SLC9A9: variants seen among roughly 807,000 people sequenced by gnomAD.
The protein encoded by SLC9A9 is sodium/hydrogen exchanger 9.
In SLC9A9, 62 loss-of-function variants were observed where a neutral mutation model predicts 77.8. The observed-to-expected ratio is 0.80, with a 90% CI of 0.65 to 0.98. SLC9A9 has a LOEUF of 0.98. SLC9A9 is among the 50% of genes least tolerant of loss of function. SLC9A9 has a pLI of 0.00. For missense variants in SLC9A9, 775 were observed against 774.9 expected, an observed-to-expected ratio of 1.00 and a Z score of 0.00; for synonymous variants, 320 against 283.5, an observed-to-expected ratio of 1.13 and a Z score of -1.29.
At chr3:143,566,307 G>T (rs1053315763) in intron 8 of SLC9A9, among the ~76,000 whole-genome samples, 2 of 152,118 alleles carry the variant, frequency 1.3e-5, no homozygotes, top group South Asian at 4.1e-4. Context: ...CTTGTGATTT[G>T]AGGCCAATAG....
chr3:143,411,164 A>T (rs1434505723), intron 12 of SLC9A9, among the ~76,000 whole-genome samples: 1 of 152,194 alleles, frequency 6.6e-6, no homozygotes, highest in African/African-American at 2.4e-5. Flanking sequence ...TGTTTTAGAT[A>T]ATCAGTAAGT....
chr3:143,275,035 C>T (rs557469764), intron 14 of SLC9A9, among the ~76,000 whole-genome samples: 1 of 152,240 alleles, frequency 6.6e-6, no homozygotes, highest in Non-Finnish European at 1.5e-5. Context: ...TCTCTAGTCA[C>T]TTTGATTGTC....
chr3:143,556,478 C>T (rs2036986029), intron 8 of SLC9A9, among the ~76,000 whole-genome samples: 1 of 152,224 alleles, frequency 6.6e-6, no homozygotes, highest in South Asian at 2.1e-4. Context: ...TCCTATTTGC[C>T]TGCTCTTCCT....
chr3:143,571,910 G>A (rs777975498), intron 8 of SLC9A9, among the ~76,000 whole-genome samples: 4 of 152,208 alleles, frequency 2.6e-5, no homozygotes, highest in African/African-American at 7.2e-5. Flanking sequence ...TGGACTAAGC[G>A]GTCTTGGTCT....
intron 6 of SLC9A9, among the ~76,000 whole-genome samples, chr3:143,618,541 A>G (rs931112184): frequency 6.6e-6 from 1 of 152,088 alleles, no homozygotes; most frequent in Non-Finnish European, 1.5e-5. Flanking sequence ...TTCATTTGCC[A>G]CTTCCCACTC....
At chr3:143,311,983 C>T (rs897112803) in intron 14 of SLC9A9, among the ~76,000 whole-genome samples, 3 of 152,182 alleles carry the variant, frequency 2.0e-5, no homozygotes, top group African/African-American at 7.2e-5. Flanking sequence ...GAGATAGAAA[C>T]ATTCTATTTG....
chr3:143,284,154 C>G (rs1938308918), intron 14 of SLC9A9, among the ~76,000 whole-genome samples: 1 of 151,652 alleles, frequency 6.6e-6, no homozygotes, highest in Non-Finnish European at 1.5e-5. Flanking sequence ...AGTCGTTATA[C>G]TATTTCACCC....
At chr3:143,460,139 T>C (rs986519909) in intron 12 of SLC9A9, among the ~76,000 whole-genome samples, 4 of 152,204 alleles carry the variant, frequency 2.6e-5, no homozygotes, top group African/African-American at 9.6e-5. Context: ...ATTCTGGTGT[T>C]AAATTGTCTA....
chr3:143,507,746 G>A (rs2036045736), intron 9 of SLC9A9, among the ~76,000 whole-genome samples: 1 of 152,156 alleles, frequency 6.6e-6, no homozygotes, highest in Admixed American at 6.5e-5. Flanking sequence ...CCATAGACTG[G>A]GTGGCTGAAA....
chr3:143,701,587 A>G (rs1387682201), intron 4 of SLC9A9, among the ~76,000 whole-genome samples: 5 of 152,186 alleles, frequency 3.3e-5, no homozygotes, highest in African/African-American at 4.8e-5. Flanking sequence ...GAGCTCAAAG[A>G]CAGGATATTT....
chr3:143,732,969 C>T (rs904367374), intron 4 of SLC9A9, among the ~76,000 whole-genome samples: 5 of 151,990 alleles, frequency 3.3e-5, no homozygotes, highest in African/African-American at 7.3e-5. Context: ...AAAAAGTCAT[C>T]GAAACCATCA....
chr3:143,294,178 T>G (rs2030145361), intron 14 of SLC9A9, among the ~76,000 whole-genome samples: 1 of 152,234 alleles, frequency 6.6e-6, no homozygotes, highest in Admixed American at 6.5e-5. Flanking sequence ...AATACAGTAT[T>G]GATTTTTTAT....
chr3:143,818,884 C>G (rs1335569638), intron 2 of SLC9A9, among the ~76,000 whole-genome samples: 2 of 151,856 alleles, frequency 1.3e-5, no homozygotes, highest in Non-Finnish European at 2.9e-5. Flanking sequence ...GAGTTCAAGA[C>G]CAGCCTGACC....
At chr3:143,623,893 G>A (rs2038268543) in intron 6 of SLC9A9, among the ~76,000 whole-genome samples, 1 of 152,032 alleles carries the variant, frequency 6.6e-6, no homozygotes, top group Admixed American at 6.6e-5. Context: ...AGAAAAGAGA[G>A]AAGAATCAAA....
chr3:143,331,325 A>G (rs946459823), intron 14 of SLC9A9, among the ~76,000 whole-genome samples: 2 of 152,176 alleles, frequency 1.3e-5, no homozygotes, highest in African/African-American at 4.8e-5. Flanking sequence ...AAACTCTGGG[A>G]GCTAGATGCA....
chr3:143,375,264 T>G (rs1399888160), intron 13 of SLC9A9, among the ~76,000 whole-genome samples: 3 of 152,178 alleles, frequency 2.0e-5, no homozygotes, highest in Non-Finnish European at 4.4e-5. Flanking sequence ...TCATGTGACC[T>G]ATATGGCAGA....
intron 4 of SLC9A9, among the ~76,000 whole-genome samples, chr3:143,784,171 C>T (rs1201227956): frequency 6.6e-6 from 1 of 152,172 alleles, no homozygotes; most frequent in African/African-American, 2.4e-5. Flanking sequence ...AAAACTTTCC[C>T]GTAGTTCCCC....
intron 13 of SLC9A9, 33 bp downstream of exon 13, chr3:143,382,027 T>G: frequency 6.2e-7 from 1 of 1,612,554 alleles, no homozygotes; most frequent in East Asian, 2.2e-5. Flanking sequence ...CAATCATATC[T>G]CTATATAATG....
intron 4 of SLC9A9, among the ~76,000 whole-genome samples, chr3:143,748,611 A>G (rs1935255137): frequency 6.6e-6 from 1 of 152,120 alleles, no homozygotes; most frequent in Non-Finnish European, 1.5e-5. Context: ...ATGGACTTAC[A>G]ATGTTCAAAG....
Sources: gnomAD v4.1 joint callset for allele counts (sites outside exome capture counted in the v4.1 genomes callset) on GRCh38, gnomAD v4.1.1 for gene constraint, MANE v1.5 for transcripts, NCBI Gene and HGNC (gene_info 2026-07-23, HGNC 2026-07-21) for gene names.